NUDCD1: variants seen among roughly 807,000 people sequenced by gnomAD.
NUDCD1 encodes NudC domain containing 1.
In NUDCD1, 60 loss-of-function variants were observed where a neutral mutation model predicts 67.8. The ratio of observed to expected loss-of-function variants is 0.88; its 90% CI spans 0.72 to 1.10. The LOEUF (loss-of-function observed/expected upper bound fraction) is 1.10. Ranked by LOEUF, NUDCD1 falls within the 50% of genes least tolerant of loss-of-function variation. The probability of loss-of-function intolerance (pLI) is 0.00; values close to 1 mark genes in which losing one functional copy is unlikely to be tolerated. For synonymous variants in NUDCD1, 244 were observed against 230.8 expected (o/e 1.06, Z -0.52); for missense variants, 643 against 695.0 (o/e 0.93, Z 0.84).
intron 5 of NUDCD1, among the ~76,000 whole-genome samples, chr8:109,289,017 C>T (rs1302498334): frequency 2.0e-5 from 3 of 151,306 alleles, no homozygotes; most frequent in African/African-American, 7.3e-5. Context: ...TCGCTGTTGC[C>T]CAAGCTGGAG....
chr8:109,259,511 TGA>T (rs765990214), intron 8 of NUDCD1, among the ~76,000 whole-genome samples: 1 of 152,034 alleles, frequency 6.6e-6, no homozygotes, highest in African/African-American at 2.4e-5. Context: ...AGGAGAAAAA[TGA>T]GAGCCTTACA....
intron 8 of NUDCD1, among the ~76,000 whole-genome samples, chr8:109,262,798 G>A (rs946609212): frequency 3.9e-5 from 6 of 151,954 alleles, no homozygotes; most frequent in African/African-American, 7.3e-5. Flanking sequence ...GCTCACGCCC[G>A]TAATCCTAGC....
rs71305931 is a variant in NUDCD1 at position 109,266,392 on chromosome 8, A to ATTT, written c.1299+4610_1299+4612dup. ...AGGTGCCTGCCACCATGCCCGGCTA[A>ATTT]TTTTTTTTTTTTTTTTTTTTTTTTC... On this transcript the variant is annotated intron_variant, in intron 8 of 9. Coordinates refer to ENST00000239690, the MANE Select transcript of NUDCD1 (RefSeq NM_032869.4). Among the ~76,000 whole-genome samples the ATTT allele has an allele frequency of 2.9e-3, 253 of 87,474 alleles. 3 individuals carry two copies. The highest frequency in any genetic ancestry group is 7.8e-3 in the Middle Eastern group (1 of 128). The allele number at this position is 87,474 out of a possible 152,430, so 57.4% of individuals were successfully genotyped here.
intron 7 of NUDCD1, among the ~76,000 whole-genome samples, chr8:109,273,871 A>T (rs933008534): frequency 2.6e-5 from 4 of 152,154 alleles, no homozygotes; most frequent in African/African-American, 7.2e-5. Flanking sequence ...AAAACAACAC[A>T]AAACAAAAAA....
intron 2 of NUDCD1, chr8:109,316,124 G>A (rs1185655398): frequency 2.0e-5 from 3 of 151,920 alleles, no homozygotes; most frequent in Non-Finnish European, 4.4e-5. Flanking sequence ...ATTAAGAAAC[G>A]GAACACATTA....
chr8:109,286,716 C>T (rs369545271), intron 5 of NUDCD1, among the ~76,000 whole-genome samples: 3 of 151,966 alleles, frequency 2.0e-5, no homozygotes, highest in African/African-American at 2.4e-5. Context: ...GGACACTGGC[C>T]TTGAGAATGA....
At chr8:109,309,941 A>G (rs911061079) in intron 2 of NUDCD1, among the ~76,000 whole-genome samples, 1 of 152,168 alleles carries the variant, frequency 6.6e-6, no homozygotes, top group Admixed American at 6.5e-5. Flanking sequence ...AAAGACCTAT[A>G]CAAGGAAAAC....
At chr8:109,248,272 T>C (rs1328081091) in intron 8 of NUDCD1, among the ~76,000 whole-genome samples, 1 of 152,224 alleles carries the variant, frequency 6.6e-6, no homozygotes, top group Non-Finnish European at 1.5e-5. Flanking sequence ...TTAGGACTTC[T>C]GACCTCCCAA....
intron 8 of NUDCD1, among the ~76,000 whole-genome samples, 161 bp downstream of exon 8, chr8:109,270,844 T>C (rs1814135923): frequency 6.6e-6 from 1 of 152,200 alleles, no homozygotes; most frequent in African/African-American, 2.4e-5. Flanking sequence ...CAACACTGTT[T>C]TGCTGAGTGT....
rs1415414148 is a variant in NUDCD1 at position 109,289,765 on chromosome 8, G to C, written c.809C>G (p.Ser270Ter). 3 of 1,487,960 alleles carry C rather than the reference G, an allele frequency of 2.0e-6. No individual in the cohort carries two copies. Among genetic ancestry groups the C allele is most frequent in the Non-Finnish European group, 2.8e-6 (3 of 1,078,624 alleles). 92.2% of individuals were successfully genotyped at this position (1,487,960 alleles called of 1,614,324 possible). ...ATAAAAATTACCTTTGATTTTCTCT[G>C]ATATGTCTTCATCCATATTTTCTTC... ...DLEENMDEDI[S>*]EKIKEPLYYW... Residue 270 changes from serine (S) to a stop codon, truncating the protein, a stop_gained, in exon 5 of 10, where the codon TCA (serine) becomes TGA (stop). Transcript: ENST00000239690. LOFTEE classifies it high-confidence loss of function.
At chr8:109,329,354 C>T (rs1306274028) in intron 1 of NUDCD1, among the ~76,000 whole-genome samples, 1 of 151,914 alleles carries the variant, frequency 6.6e-6, no homozygotes, top group Non-Finnish European at 1.5e-5. Context: ...ACTATATGTC[C>T]GCAGTTTATA....
intron 8 of NUDCD1, among the ~76,000 whole-genome samples, chr8:109,250,997 T>C (rs1813609782): frequency 6.6e-6 from 1 of 152,188 alleles, no homozygotes. Context: ...AGTTGGAAAG[T>C]GTTCCTTTCT....
chr8:109,327,585 T>C (rs1267366213), intron 1 of NUDCD1, among the ~76,000 whole-genome samples: 1 of 152,238 alleles, frequency 6.6e-6, no homozygotes, highest in East Asian at 1.9e-4. Flanking sequence ...TTAGTAATAC[T>C]AATTGTACCA....
intron 2 of NUDCD1, among the ~76,000 whole-genome samples, chr8:109,303,605 T>C (rs1396759714): frequency 4.6e-5 from 7 of 151,978 alleles, no homozygotes; most frequent in Admixed American, 1.3e-4. Flanking sequence ...CTTCCCTGAC[T>C]ATTCCTAGGC....
At position 109,274,778 on chromosome 8, in the gene NUDCD1, A is replaced by C. The variant is rs551558277; in HGVS notation, c.1173+574T>G. ...ATGCTGATATCATTGTTAGAAAACG[A>C]ACACATAATTTCAAGTTCTGATGTA... On this transcript the variant is annotated intron_variant, in intron 7 of 9. Coordinates refer to ENST00000239690, the MANE Select transcript of NUDCD1 (RefSeq NM_032869.4). 1.6e-3 allele frequency among the ~76,000 whole-genome samples: 243 copies of C among 152,266 alleles called. 1 individual carries two copies. Among genetic ancestry groups the C allele is most frequent in the African/African-American group, 4.2e-3 (176 of 41,566 alleles).
chr8:109,324,370 G>C (rs887089678), intron 1 of NUDCD1, among the ~76,000 whole-genome samples: 4 of 150,154 alleles, frequency 2.7e-5, no homozygotes, highest in Non-Finnish European at 3.0e-5. Flanking sequence ...CCTGTAGTTA[G>C]AATGGCTATT....
At chr8:109,285,559 A>C (rs967263220) in intron 5 of NUDCD1, among the ~76,000 whole-genome samples, 3 of 152,178 alleles carry the variant, frequency 2.0e-5, no homozygotes, top group Non-Finnish European at 4.4e-5. Context: ...TAAAAACAAA[A>C]ATCATATGAT....
intron 2 of NUDCD1, among the ~76,000 whole-genome samples, chr8:109,319,881 C>A (rs1027003984): frequency 6.6e-6 from 1 of 152,070 alleles, no homozygotes; most frequent in Non-Finnish European, 1.5e-5. Flanking sequence ...GGACAGAGTA[C>A]AAAAGAGAGA....
At chr8:109,315,080 A>G (rs1244857728) in intron 2 of NUDCD1, 1 of 152,190 alleles carries the variant, frequency 6.6e-6, no homozygotes, top group Non-Finnish European at 1.5e-5. Flanking sequence ...TTTCATCATT[A>G]ATAACCATTA....
Sources: gnomAD v4.1 joint callset for allele counts (sites outside exome capture counted in the v4.1 genomes callset) on GRCh38, gnomAD v4.1.1 for gene constraint, MANE v1.5 for transcripts, NCBI Gene and HGNC (gene_info 2026-07-23, HGNC 2026-07-21) for gene names.